Variants in MRPL37 observed in about 807,000 individuals in gnomAD.
The protein encoded by MRPL37 is mitochondrial ribosomal protein L37.
Under a neutral mutation model 44.1 loss-of-function variants are expected in MRPL37, and 34 were observed. The ratio of observed to expected loss-of-function variants is 0.77; its 90% CI spans 0.59 to 1.03. MRPL37 has a LOEUF of 1.03. Ranked by LOEUF, MRPL37 falls within the 50% of genes least tolerant of loss-of-function variation. The pLI is 0.00. For missense variants in MRPL37, 532 were observed against 543.7 expected (o/e 0.98, Z 0.21); for synonymous variants, 212 against 219.5 (o/e 0.97, Z 0.30).
intron 4 of MRPL37, among the ~76,000 whole-genome samples, chr1:54,211,592 A>T (rs1306583994): frequency 6.6e-6 from 1 of 152,052 alleles, no homozygotes; most frequent in Non-Finnish European, 1.5e-5. Context: ...TCCCAGGCTC[A>T]AGCAATCCTC....
At position 54,205,106 on chromosome 1, in the gene MRPL37, C is replaced by T. The variant is rs1644111634; in HGVS notation, c.435C>T (p.Asn145=). The change falls in exon 2 of 7, where the codon AAC becomes AAT. Residue 145 remains asparagine (N), a synonymous_variant. Transcript: ENST00000360840. ...TTAGCCTTGTTGATGATCCAAGGAACCACATAGAGAACCAAGACGAGTGCG... is the reference window on the plus strand; with the variant it reads ...TTAGCCTTGTTGATGATCCAAGGAATCACATAGAGAACCAAGACGAGTGCG... ...KVLSLVDDPR[N]HIENQDECVL... is the part of the protein sequence containing the mutation. 1.9e-6 allele frequency: 3 copies of T among 1,614,100 alleles called. No homozygotes were observed. The highest frequency in any genetic ancestry group is 2.5e-6 in the Non-Finnish European group (3 of 1,180,040).
rs965855045 is a variant in MRPL37 at position 54,218,328 on chromosome 1, T to C, written c.*79T>C. 143 of 1,608,794 alleles carry C rather than the reference T, an allele frequency of 8.9e-5. No individual in the cohort carries two copies. The highest frequency in any genetic ancestry group is 1.1e-4 in the Non-Finnish European group (135 of 1,178,154). ...GGGCCTGGGCCCCGTGGAGCCTCAG[T>C]GCCCGTTTGGCCTGCTGCTCTCGCT... On this transcript the variant is annotated 3_prime_UTR_variant, in exon 7 of 7. Transcript: ENST00000360840.
chr1:54,206,314 A>G (rs576070282), intron 3 of MRPL37, among the ~76,000 whole-genome samples: 4 of 151,852 alleles, frequency 2.6e-5, no homozygotes, highest in East Asian at 1.9e-4. Context: ...AGGTTTCACC[A>G]TGTTAGCCAG....
chr1:54,204,032 T>A (rs1644103856), intron 1 of MRPL37, among the ~76,000 whole-genome samples: 1 of 152,184 alleles, frequency 6.6e-6, no homozygotes, highest in Non-Finnish European at 1.5e-5. Flanking sequence ...TGAGAAAATG[T>A]TTGTTGACCT....
At chr1:54,200,685 G>A (rs958629777) in intron 1 of MRPL37, 96 bp downstream of exon 1, 11 of 1,352,310 alleles carry the variant, frequency 8.1e-6, no homozygotes, top group Non-Finnish European at 1.1e-5. Flanking sequence ...AAACTCTGTG[G>A]GTCTTGGTTT....
chr1:54,216,315 C>T lies in MRPL37; in HGVS notation c.1165C>T (p.Leu389Phe), dbSNP rs1192517973. The change falls in exon 6 of 7, where the codon CTC becomes TTC. Residue 389 changes from leucine to phenylalanine, a missense_variant. Coordinates refer to ENST00000360840, the MANE Select transcript of MRPL37 (RefSeq NM_016491.4). ...DQLLYQHFWC[L>F]PVIKKRVVVE... ...GCTCCTCTATCAGCATTTTTGGTGT[C>T]TCCCAGTGATCAAAAAGAGAGTGGT... 6.2e-7 allele frequency: 1 copy of T among 1,614,128 alleles called. No individual in the cohort carries two copies. The highest frequency in any genetic ancestry group is 1.1e-5 in the South Asian group (1 of 91,070).
chr1:54,202,517 T>A (rs1386876725), intron 1 of MRPL37, among the ~76,000 whole-genome samples: 1 of 152,060 alleles, frequency 6.6e-6, no homozygotes, highest in Non-Finnish European at 1.5e-5. Context: ...CTCTCTTTTT[T>A]TTTCTTTCGA....
At chr1:54,220,342 G>A (rs1570156522), downstream of MRPL37, among the ~76,000 whole-genome samples, 1 of 152,180 alleles carries the variant, frequency 6.6e-6, no homozygotes, top group African/African-American at 2.4e-5. Context: ...CAGGGTTGCC[G>A]GGCAGGCCTG....
At position 54,200,373 on chromosome 1, in the gene MRPL37, C is replaced by T; in HGVS notation, c.130C>T (p.Pro44Ser). 2.5e-6 allele frequency: 4 copies of T among 1,614,182 alleles called. No homozygotes were observed. Among genetic ancestry groups the T allele is most frequent in the East Asian group, 2.2e-5 (1 of 44,868 alleles). The change falls in exon 1 of 7, where the codon CCT becomes TCT. Residue 44 changes from proline to serine, a missense_variant. Physicochemically the swap from Pro to Ser is moderately conservative, Grantham distance 74 (BLOSUM62 -1). Coordinates refer to ENST00000360840, the MANE Select transcript of MRPL37 (RefSeq NM_016491.4). ...GVRSTRKSEPPPLDRVYEIPG... is the reference protein window; with the variant it reads ...GVRSTRKSEPSPLDRVYEIPG... ...GCGCTCCACGCGGAAGTCGGAGCCT[C>T]CTCCCCTGGATAGGGTGTACGAGAT...
chr1:54,209,360 G>C (rs1429991890), intron 3 of MRPL37, among the ~76,000 whole-genome samples: 1 of 152,040 alleles, frequency 6.6e-6, no homozygotes, highest in Non-Finnish European at 1.5e-5. Context: ...TTTGTGTTCT[G>C]TGATTAGGCT....
intron 3 of MRPL37, among the ~76,000 whole-genome samples, chr1:54,208,505 C>T (rs966679949): frequency 6.9e-5 from 10 of 145,190 alleles, no homozygotes; most frequent in African/African-American, 1.0e-4. Context: ...GCTGAGATTG[C>T]GCCACTGCAC....
At chr1:54,204,989 C>G (rs1260541472) in intron 1 of MRPL37, 29 bp from the exon 2 acceptor site, 2 of 1,514,620 alleles carry the variant, frequency 1.3e-6, no homozygotes, top group Middle Eastern at 2.0e-4. Flanking sequence ...TTCTTTCCTT[C>G]TTTATTTTTG....
downstream of MRPL37, among the ~76,000 whole-genome samples, chr1:54,222,828 A>C (rs141531914): frequency 3.3e-5 from 5 of 152,234 alleles, no homozygotes; most frequent in East Asian, 9.7e-4. Context: ...GCCAGAACAG[A>C]GCTCTTCCTG....
At position 54,212,659 on chromosome 1, in the gene MRPL37, G is replaced by A. The variant is rs1308598467; in HGVS notation, c.990+1G>A. On this transcript the variant is annotated splice_donor_variant, in intron 5 of 6. Transcript: ENST00000360840. LOFTEE classifies it high-confidence loss of function. ...GGCTCAGGCCCGGCTCCTCTATGGGGTATGTAGGTGGAGAAGACCACTGAG... is the reference window on the plus strand; with the variant it reads ...GGCTCAGGCCCGGCTCCTCTATGGGATATGTAGGTGGAGAAGACCACTGAG... The A allele has an allele frequency of 6.2e-7, 1 of 1,614,196 alleles. No homozygotes were observed. Among genetic ancestry groups the A allele is most frequent in the Non-Finnish European group, 8.5e-7 (1 of 1,180,020 alleles).
At chr1:54,216,466 C>T (rs889862057) in intron 6 of MRPL37, 122 bp downstream of exon 6, 12 of 1,154,324 alleles carry the variant, frequency 1.0e-5, no homozygotes, top group Non-Finnish European at 1.5e-5. Flanking sequence ...GACTTCCCAC[C>T]CGGGATCTCT....
chr1:54,224,083 T>C (rs535662483), downstream of MRPL37, among the ~76,000 whole-genome samples: 6 of 152,328 alleles, frequency 3.9e-5, no homozygotes, highest in South Asian at 1.2e-3. Flanking sequence ...CCCATGGCTC[T>C]CGTCTGTGCC....
chr1:54,207,918 CTG>C (rs1644135771), intron 3 of MRPL37, among the ~76,000 whole-genome samples: 1 of 152,194 alleles, frequency 6.6e-6, no homozygotes, highest in Non-Finnish European at 1.5e-5. Context: ...TACCATCACA[CTG>C]TGGCTATTTC....
chr1:54,200,325 C>G lies in MRPL37; in HGVS notation c.82C>G (p.Arg28Gly), dbSNP rs749961491. Reference sequence around the variant, plus strand: ...CCTTGGGGGCTTCGGGGCCCCGAGACGCGGGGCGTATGAGTGGGGCGTGCG... The same window carrying G: ...CCTTGGGGGCTTCGGGGCCCCGAGAGGCGGGGCGTATGAGTGGGGCGTGCG... ...LGLGGFGAPRRGAYEWGVRST... is the reference protein window; with the variant it reads ...LGLGGFGAPRGGAYEWGVRST... The change falls in exon 1 of 7, where the codon CGC becomes GGC. Residue 28 changes from arginine (R) to glycine (G), a missense_variant. Coordinates refer to ENST00000360840, the MANE Select transcript of MRPL37 (RefSeq NM_016491.4). 19 of 1,613,594 alleles carry G rather than the reference C, an allele frequency of 1.2e-5. No homozygotes were observed. In the East Asian group the frequency reaches 3.3e-4, roughly 28 times the overall value.
intron 1 of MRPL37, among the ~76,000 whole-genome samples, chr1:54,203,668 G>T (rs1414172987): frequency 6.6e-6 from 1 of 151,752 alleles, no homozygotes; most frequent in Admixed American, 6.6e-5. Flanking sequence ...TAGAGACGGG[G>T]TTTTACCATG....
Sources: gnomAD v4.1 joint callset for allele counts (sites outside exome capture counted in the v4.1 genomes callset) on GRCh38, gnomAD v4.1.1 for gene constraint, MANE v1.5 for transcripts, NCBI Gene and HGNC (gene_info 2026-07-23, HGNC 2026-07-21) for gene names.